ZC2HC1A: variants seen among roughly 807,000 people sequenced by gnomAD.
ZC2HC1A encodes zinc finger C2HC-type containing 1A.
A neutral mutation model predicts 40.7 loss-of-function variants in ZC2HC1A; 28 were observed. The ratio of observed to expected loss-of-function variants is 0.69; its 90% CI spans 0.51 to 0.94. The LOEUF (loss-of-function observed/expected upper bound fraction) is 0.94, where lower values mean the gene tolerates loss of function less well. Ranked by LOEUF, ZC2HC1A falls within the 40% of genes least tolerant of loss-of-function variation. The pLI, the probability that ZC2HC1A is intolerant of heterozygous loss-of-function variation, is 0.00. For missense variants in ZC2HC1A, 389 were observed against 386.3 expected (o/e 1.01, Z -0.06); for synonymous variants, 129 against 129.2 (o/e 1.00, Z 0.01).
intron 7 of ZC2HC1A, among the ~76,000 whole-genome samples, chr8:78,698,814 T>A (rs1307141545): frequency 6.6e-6 from 1 of 152,208 alleles, no homozygotes; most frequent in Admixed American, 6.5e-5. Context: ...TAACTATAAT[T>A]TACTAAGCAC....
chr8:78,696,115 A>G (rs1038502691), intron 5 of ZC2HC1A, among the ~76,000 whole-genome samples: 24 of 151,986 alleles, frequency 1.6e-4, no homozygotes, highest in African/African-American at 5.5e-4. Context: ...GCTCACTGCA[A>G]GCTCCGCCTC....
intron 3 of ZC2HC1A, among the ~76,000 whole-genome samples, chr8:78,680,708 A>C (rs1299277721): frequency 6.6e-6 from 1 of 152,202 alleles, no homozygotes; most frequent in East Asian, 1.9e-4. Flanking sequence ...GAAATCCAGG[A>C]GAAATTACCC....
chr8:78,693,833 C>G (rs1810304003), intron 5 of ZC2HC1A, among the ~76,000 whole-genome samples: 1 of 152,166 alleles, frequency 6.6e-6, no homozygotes, highest in South Asian at 2.1e-4. Flanking sequence ...ATGGTATTGC[C>G]TAGGTTTTCT....
intron 5 of ZC2HC1A, among the ~76,000 whole-genome samples, chr8:78,694,150 T>C (rs1810318211): frequency 6.6e-6 from 1 of 152,158 alleles, no homozygotes; most frequent in African/African-American, 2.4e-5. Context: ...TAATTTCCTA[T>C]TTTTTATAGT....
At chr8:78,693,663 T>G (rs543916290) in intron 5 of ZC2HC1A, among the ~76,000 whole-genome samples, 402 of 152,300 alleles carry the variant, frequency 2.6e-3, no homozygotes, top group African/African-American at 7.9e-3. Context: ...TTGCAAAAAT[T>G]TTCTCCCATT....
At chr8:78,710,628 A>G (rs1408074165) in intron 7 of ZC2HC1A, among the ~76,000 whole-genome samples, 1 of 152,088 alleles carries the variant, frequency 6.6e-6, no homozygotes, top group Admixed American at 6.5e-5. Context: ...TTCCAGAATC[A>G]TGTAAGATAA....
intron 5 of ZC2HC1A, among the ~76,000 whole-genome samples, chr8:78,693,579 G>T (rs1387289157): frequency 6.6e-6 from 1 of 152,006 alleles, no homozygotes; most frequent in Non-Finnish European, 1.5e-5. Flanking sequence ...TGATGGGGTT[G>T]TTTGTTTTTT....
intron 3 of ZC2HC1A, among the ~76,000 whole-genome samples, chr8:78,680,938 T>C (rs542980803): frequency 3.3e-5 from 5 of 152,192 alleles, no homozygotes; most frequent in African/African-American, 1.2e-4. Flanking sequence ...AGGGCTGAAA[T>C]TGTATAAAAG....
intron 3 of ZC2HC1A, chr8:78,685,740 A>G (rs1458702557): frequency 2.0e-5 from 3 of 152,228 alleles, no homozygotes; most frequent in African/African-American, 4.8e-5. Flanking sequence ...CATATTTCTA[A>G]TCGGTTCAAA....
chr8:78,714,566 C>G (rs775637490), intron 7 of ZC2HC1A, among the ~76,000 whole-genome samples: 1 of 152,094 alleles, frequency 6.6e-6, no homozygotes, highest in Non-Finnish European at 1.5e-5. Flanking sequence ...ATTCCCAAGC[C>G]TCTGCTTTTA....
At chr8:78,716,408 C>A (rs1352417382) in intron 8 of ZC2HC1A, among the ~76,000 whole-genome samples, 1 of 152,084 alleles carries the variant, frequency 6.6e-6, no homozygotes, top group Non-Finnish European at 1.5e-5. Flanking sequence ...CAGGTGTGAG[C>A]CACCGCACCC....
intron 5 of ZC2HC1A, 149 bp from the exon 6 acceptor site, chr8:78,697,258 T>G: frequency 1.6e-6 from 1 of 609,338 alleles, no homozygotes; most frequent in Non-Finnish European, 2.8e-6. Flanking sequence ...ATTAATGATG[T>G]GCAACCATCA....
rs755472065 is a variant in ZC2HC1A, at chr8:78,686,640, T to C, written c.352+32T>C. ...GGAATATTGTTGACAGAAATGTTCATGTGGAAAGAAAATAATGATAGAGTT... is the reference window on the plus strand; with the variant it reads ...GGAATATTGTTGACAGAAATGTTCACGTGGAAAGAAAATAATGATAGAGTT... On this transcript the variant is annotated intron_variant, in intron 4 of 8. Coordinates refer to ENST00000263849, the MANE Select transcript of ZC2HC1A (RefSeq NM_016010.3). The C allele has an allele frequency of 4.2e-6, 6 of 1,433,460 alleles. No individual in the cohort carries two copies. In the East Asian group the frequency reaches 1.3e-4, roughly 31 times the overall value. The allele number at this position is 1,433,460 out of a possible 1,614,324, so 88.8% of individuals were successfully genotyped here.
chr8:78,675,923 TG>T, intron 2 of ZC2HC1A, 60 bp downstream of exon 2: 1 of 1,443,902 alleles, frequency 6.9e-7, no homozygotes, highest in East Asian at 2.3e-5. Flanking sequence ...TCAATAATTC[TG>T]GTCAATTCTC....
chr8:78,701,674 C>G (rs2130563344), intron 7 of ZC2HC1A, among the ~76,000 whole-genome samples: 1 of 152,232 alleles, frequency 6.6e-6, no homozygotes, highest in South Asian at 2.1e-4. Context: ...CCTGCAATAC[C>G]TAGTTTATTG....
At chr8:78,676,341 A>G (rs1016708962) in intron 2 of ZC2HC1A, among the ~76,000 whole-genome samples, 1 of 151,884 alleles carries the variant, frequency 6.6e-6, no homozygotes, top group African/African-American at 2.4e-5. Context: ...TATGTTTGAG[A>G]TGTTTCAAAG....
intron 8 of ZC2HC1A, among the ~76,000 whole-genome samples, chr8:78,715,898 G>T (rs892088699): frequency 2.0e-5 from 3 of 151,674 alleles, no homozygotes; most frequent in Non-Finnish European, 4.4e-5. Context: ...AAATTAGCCG[G>T]TTGTGGTGTT....
rs1381514544 is a variant in ZC2HC1A, at chr8:78,718,471, T to C, written c.*978T>C. ...AATAGTTGTGGTAACTAATCATTAG[T>C]GCAGAGCATGCAGATAAAAAATATT... On this transcript the variant is annotated 3_prime_UTR_variant, in exon 9 of 9. Transcript: ENST00000263849. 1.3e-5 allele frequency: 2 copies of C among 151,964 alleles called. No individual in the cohort carries two copies. Among genetic ancestry groups the C allele is most frequent in the East Asian group, 3.8e-4 (2 of 5,204 alleles). 9.4% of individuals were successfully genotyped at this position (151,964 alleles called of 1,614,324 possible).
At chr8:78,673,168 T>G (rs1585975176) in intron 1 of ZC2HC1A, among the ~76,000 whole-genome samples, 1 of 152,162 alleles carries the variant, frequency 6.6e-6, no homozygotes, top group South Asian at 2.1e-4. Context: ...ATGCGGTGTT[T>G]GATTTTCTGT....
Sources: allele counts gnomAD v4.1 joint callset (sites outside exome capture counted in the v4.1 genomes callset), GRCh38; gene constraint gnomAD v4.1.1; transcripts MANE v1.5; gene names NCBI Gene and HGNC (gene_info 2026-07-23, HGNC 2026-07-21).